SLC3A1: variants seen among roughly 807,000 people sequenced by gnomAD.
SLC3A1 encodes amino acid transporter heavy chain SLC3A1.
SLC3A1 carries 78 observed loss-of-function variants against 60.3 expected under a neutral mutation model. The ratio of observed to expected loss-of-function variants is 1.29; its 90% CI spans 1.08 to 1.56. SLC3A1 has a LOEUF of 1.56. SLC3A1 is among the 40% of genes most tolerant of loss of function. The probability of loss-of-function intolerance (pLI) is 0.00; values close to 1 mark genes in which losing one functional copy is unlikely to be tolerated. For missense variants in SLC3A1, 1,172 were observed against 858.9 expected, an observed-to-expected ratio of 1.36 and a Z score of -4.56; for synonymous variants, 392 against 307.9, an observed-to-expected ratio of 1.27 and a Z score of -2.86.
chr2:44,303,427 A>G (rs991380184), intron 6 of SLC3A1, among the ~76,000 whole-genome samples: 2 of 151,024 alleles, frequency 1.3e-5, no homozygotes, highest in Non-Finnish European at 3.0e-5. Context: ...TTTGGTAGAG[A>G]TGTTTCTCCA....
intron 4 of SLC3A1, among the ~76,000 whole-genome samples, chr2:44,286,847 G>T (rs943012491): frequency 1.3e-5 from 2 of 152,098 alleles, no homozygotes; most frequent in African/African-American, 4.8e-5. Flanking sequence ...ATGGTGAGCT[G>T]TGCGGTGTCT....
chr2:44,279,175 T>C (rs1671416935), intron 1 of SLC3A1, among the ~76,000 whole-genome samples: 1 of 152,030 alleles, frequency 6.6e-6, no homozygotes, highest in African/African-American at 2.4e-5. Context: ...ATTTTTGTAT[T>C]TTTTAGTAGA....
At position 44,313,918 on chromosome 2, in the gene SLC3A1, T is replaced by G. The variant is rs371997910; in HGVS notation, c.1584T>G (p.Pro528=). The G allele has an allele frequency of 3.1e-6, 5 of 1,613,978 alleles. No individual in the cohort carries two copies. The African/African-American group carries it at 5.3e-5, about 17-fold the overall frequency. The change falls in exon 9 of 10, where the codon CCT becomes CCG. Residue 528 remains proline, a synonymous_variant. Transcript: ENST00000260649. ...CTGAAGCTAGTAACACCTGGTTACC[T>G]ACCAATTCAGATTACCACACTGTGA... The part of the protein sequence containing the change: ...GFSEASNTWL[P]TNSDYHTVNV...
chr2:44,281,870 C>T (rs913080044), intron 3 of SLC3A1, among the ~76,000 whole-genome samples: 2 of 152,066 alleles, frequency 1.3e-5, no homozygotes, highest in African/African-American at 2.4e-5. Flanking sequence ...ACTATCCATA[C>T]CCCTTTGCAT....
chr2:44,302,726 AG>A (rs1672046127), intron 6 of SLC3A1, among the ~76,000 whole-genome samples: 1 of 152,224 alleles, frequency 6.6e-6, no homozygotes, highest in African/African-American at 2.4e-5. Flanking sequence ...CTCCAATACA[AG>A]GGGGAAGTTC....
chr2:44,313,059 G>A (rs1672339113), intron 8 of SLC3A1, among the ~76,000 whole-genome samples: 3 of 151,894 alleles, frequency 2.0e-5, no homozygotes, highest in Admixed American at 1.3e-4. Flanking sequence ...GTGTTGAGAG[G>A]CACACTAAAA....
chr2:44,318,093 CTGT>C (rs750621662), intron 9 of SLC3A1: 92 of 394,862 alleles, frequency 2.3e-4, no homozygotes, highest in African/African-American at 1.9e-3. Flanking sequence ...GATCTCAACA[CTGT>C]TTTTTTTTTT....
chr2:44,285,801 T>C, intron 3 of SLC3A1: 1 of 665,898 alleles, frequency 1.5e-6, no homozygotes, highest in African/African-American at 1.8e-5. Flanking sequence ...GCTGTTGCAG[T>C]TGTTACAAAC....
chr2:44,316,839 T>C (rs1572820385), intron 9 of SLC3A1, among the ~76,000 whole-genome samples: 1 of 152,328 alleles, frequency 6.6e-6, no homozygotes, highest in East Asian at 1.9e-4. Flanking sequence ...TTTTACCATG[T>C]GTGGCCACTT....
intron 4 of SLC3A1, among the ~76,000 whole-genome samples, chr2:44,298,447 T>A (rs1183061459): frequency 1.3e-5 from 2 of 152,066 alleles, no homozygotes; most frequent in Non-Finnish European, 2.9e-5. Context: ...GGCATGATCT[T>A]GGCTCACTGC....
Position 44,299,411 on chromosome 2 carries a change from ATTC to A in SLC3A1, c.892-557_892-555del, listed in dbSNP as rs564792354. 1.2e-4 allele frequency among the ~76,000 whole-genome samples: 19 copies of A among 152,250 alleles called. No homozygotes were observed. The South Asian group carries it at 3.9e-3, about 32-fold the overall frequency. ...TGAGTTTTACCACAGGATCGTCACTATTCTTAGTTATTTACTTGGTTGATGGTT... is the reference window on the plus strand; with the variant it reads ...TGAGTTTTACCACAGGATCGTCACTATTAGTTATTTACTTGGTTGATGGTT... On this transcript the variant is annotated intron_variant, in intron 4 of 9. Transcript: ENST00000260649.
intron 1 of SLC3A1, among the ~76,000 whole-genome samples, chr2:44,279,522 T>A (rs551802933): frequency 8.3e-4 from 126 of 152,212 alleles, no homozygotes; most frequent in African/African-American, 2.8e-3. Flanking sequence ...TTCAGTCTGA[T>A]CATCATCCCA....
chr2:44,300,992 G>A lies in SLC3A1; in HGVS notation c.1012-11G>A, dbSNP rs746596929. 3.8e-5 allele frequency: 61 copies of A among 1,613,700 alleles called. No homozygotes were observed. Among genetic ancestry groups the A allele is most frequent in the Non-Finnish European group, 5.0e-5 (59 of 1,180,032 alleles). Reference sequence around the variant, plus strand: ...GAAATGAGGGTAACCATGTCGTCCTGGTTTTCAAAGGACACGGTCACACAA... The same window carrying A: ...GAAATGAGGGTAACCATGTCGTCCTAGTTTTCAAAGGACACGGTCACACAA... On this transcript the variant is annotated splice_polypyrimidine_tract_variant and intron_variant, in intron 5 of 9. Transcript: ENST00000260649.
Position 44,314,765 on chromosome 2 carries a change from C to G in SLC3A1, c.1617+814C>G, listed in dbSNP as rs894964474. ...AGCTTTGTTTTATATAGTTGTAAGTCTTGAAGACACAAAATATATATGGGT... is the reference window on the plus strand; with the variant it reads ...AGCTTTGTTTTATATAGTTGTAAGTGTTGAAGACACAAAATATATATGGGT... On this transcript the variant is annotated intron_variant, in intron 9 of 9. Coordinates refer to ENST00000260649, the MANE Select transcript of SLC3A1 (RefSeq NM_000341.4). 6.0e-5 allele frequency: 6 copies of G among 100,096 alleles called. No homozygotes were observed. In the East Asian group the frequency reaches 1.3e-3, roughly 21 times the overall value. 6.2% of individuals were successfully genotyped at this position (100,096 alleles called of 1,614,324 possible).
intron 4 of SLC3A1, among the ~76,000 whole-genome samples, chr2:44,296,800 G>C (rs1438744284): frequency 6.6e-6 from 1 of 152,142 alleles, no homozygotes; most frequent in Middle Eastern, 3.2e-3. Context: ...ATGTGTTGTG[G>C]GGTGGAGCAG....
intron 5 of SLC3A1, 92 bp downstream of exon 5, chr2:44,300,182 A>G: frequency 7.4e-7 from 1 of 1,344,508 alleles, no homozygotes; most frequent in South Asian, 1.2e-5. Flanking sequence ...AGTTACAAAG[A>G]TGAGTTTTGT....
downstream of SLC3A1, among the ~76,000 whole-genome samples, chr2:44,322,107 G>T (rs145030129): frequency 6.6e-6 from 1 of 152,122 alleles, no homozygotes; most frequent in Non-Finnish European, 1.5e-5. Context: ...GGAAGAGGCC[G>T]TATGGAAAAG....
chr2:44,278,934 C>T (rs1360820194), intron 1 of SLC3A1, among the ~76,000 whole-genome samples: 1 of 152,046 alleles, frequency 6.6e-6, no homozygotes, highest in African/African-American at 2.4e-5. Flanking sequence ...TTCTCAGACC[C>T]CGTGCACTGA....
intron 7 of SLC3A1, among the ~76,000 whole-genome samples, chr2:44,310,815 T>C (rs1162357342): frequency 2.0e-5 from 3 of 152,078 alleles, no homozygotes; most frequent in Non-Finnish European, 4.4e-5. Flanking sequence ...GTTTTTTTTT[T>C]TGAGACAGGG....
Sources: allele counts gnomAD v4.1 joint callset (sites outside exome capture counted in the v4.1 genomes callset), GRCh38; gene constraint gnomAD v4.1.1; transcripts MANE v1.5; gene names NCBI Gene and HGNC (gene_info 2026-07-23, HGNC 2026-07-21).